Variants in PAPOLG observed in about 807,000 individuals in gnomAD.
The protein encoded by PAPOLG is poly(A) polymerase gamma.
PAPOLG carries 40 observed loss-of-function variants against 99.0 expected under a neutral mutation model. That is an observed-to-expected ratio of 0.40 (90% CI 0.31 to 0.53). The LOEUF is 0.53. PAPOLG is among the 20% of genes least tolerant of loss of function. The pLI is 0.41. For synonymous variants in PAPOLG, 310 were observed against 299.3 expected (o/e 1.04, Z -0.37); for missense variants, 675 against 884.1 (o/e 0.76, Z 3.00).
At chr2:60,772,973 T>A (rs1281110538) in intron 7 of PAPOLG, among the ~76,000 whole-genome samples, 2 of 152,192 alleles carry the variant, frequency 1.3e-5, no homozygotes. Flanking sequence ...TTACCCAGGC[T>A]GGAGTGCGAT....
At chr2:60,763,834 C>G (rs547336585) in intron 3 of PAPOLG, among the ~76,000 whole-genome samples, 1 of 150,472 alleles carries the variant, frequency 6.6e-6, no homozygotes, top group Non-Finnish European at 1.5e-5. Flanking sequence ...GACATGGTCT[C>G]TCTCTGTTGC....
chr2:60,790,387 T>C (rs765196977), intron 15 of PAPOLG, among the ~76,000 whole-genome samples: 16 of 152,212 alleles, frequency 1.1e-4, no homozygotes, highest in Non-Finnish European at 1.9e-4. Context: ...CTCACAGTAC[T>C]TGCTGTGTAA....
chr2:60,791,302 C>T (rs867512331), intron 15 of PAPOLG, among the ~76,000 whole-genome samples: 1 of 151,504 alleles, frequency 6.6e-6, no homozygotes, highest in African/African-American at 2.4e-5. Context: ...TATAATCCCA[C>T]CACTTTGGGA....
chr2:60,770,547 A>T, intron 6 of PAPOLG, 36 bp downstream of exon 6: 1 of 1,331,616 alleles, frequency 7.5e-7, no homozygotes, highest in Non-Finnish European at 1.0e-6. Context: ...TTACAATTGA[A>T]CTGTTTAAAC....
rs1214600318 is a variant in PAPOLG at position 60,801,262 on chromosome 2, A to T, written c.*4102A>T. On this transcript the variant is annotated 3_prime_UTR_variant, in exon 22 of 22. Coordinates refer to ENST00000238714, the MANE Select transcript of PAPOLG (RefSeq NM_022894.4). ...TAAAAGTGATAGTTTAGGGAAAAAA[A>T]AAAACTTTGTATAAATAAAATTGTA... 2.6e-5 allele frequency: 4 copies of T among 152,280 alleles called. No homozygotes were observed. The highest frequency in any genetic ancestry group is 5.9e-5 in the Non-Finnish European group (4 of 68,038). 9.4% of individuals were successfully genotyped at this position (152,280 alleles called of 1,614,324 possible).
chr2:60,795,171 G>T, intron 21 of PAPOLG, 151 bp downstream of exon 21: 1 of 682,790 alleles, frequency 1.5e-6, no homozygotes, highest in Non-Finnish European at 2.6e-6. Flanking sequence ...TGGGGTTGGA[G>T]ATAGCAAGTA....
intron 3 of PAPOLG, among the ~76,000 whole-genome samples, chr2:60,767,207 G>A (rs1296241044): frequency 1.3e-5 from 2 of 152,184 alleles, no homozygotes; most frequent in African/African-American, 4.8e-5. Context: ...AGCAATATCT[G>A]ACTGTTATCA....
chr2:60,798,053 G>A lies in PAPOLG; in HGVS notation c.*893G>A, dbSNP rs543990704. Reference sequence around the variant, plus strand: ...CAACAATAAGATAACCTTTAAGTATGGCACACTTGTATTTTTGAGGTGTAA... The same window carrying A: ...CAACAATAAGATAACCTTTAAGTATAGCACACTTGTATTTTTGAGGTGTAA... On this transcript the variant is annotated 3_prime_UTR_variant, in exon 22 of 22. Transcript: ENST00000238714. 4 of 152,842 alleles carry A rather than the reference G, an allele frequency of 2.6e-5. No individual in the cohort carries two copies. The East Asian group carries it at 5.6e-4, about 22-fold the overall frequency. 9.5% of individuals were successfully genotyped at this position (152,842 alleles called of 1,614,324 possible).
intron 13 of PAPOLG, among the ~76,000 whole-genome samples, chr2:60,783,804 C>G (rs892491905): frequency 6.6e-6 from 1 of 151,752 alleles, no homozygotes; most frequent in Non-Finnish European, 1.5e-5. Flanking sequence ...GACCATGGAG[C>G]TTCAGTGTTT....
chr2:60,775,059 G>A lies in PAPOLG; in HGVS notation c.630G>A (p.Leu210=). 6.2e-7 allele frequency: 1 copy of A among 1,613,234 alleles called. No individual in the cohort carries two copies. Among genetic ancestry groups the A allele is most frequent in the Non-Finnish European group, 8.5e-7 (1 of 1,179,746 alleles). Residue 210 remains leucine (L), a synonymous_variant, in exon 8 of 22, where the codon TTG becomes TTA. Coordinates refer to ENST00000238714, the MANE Select transcript of PAPOLG (RefSeq NM_022894.4). ...LNGCRVTDEI[L]HLVPNKETFR... The stretch of plus-strand genomic sequence containing the variant: ...GTTGTAGAGTTACTGATGAAATTTT[G>A]CATTTAGTGCCAAATAAAGAAACTT...
At chr2:60,794,272 T>G (rs1671633151) in intron 19 of PAPOLG, 81 bp downstream of exon 19, 4 of 1,370,100 alleles carry the variant, frequency 2.9e-6, no homozygotes, top group African/African-American at 2.9e-5. Flanking sequence ...CCATAGCTGT[T>G]GGTGTTCTGT....
rs761288393 is a variant in PAPOLG, at chr2:60,792,157, C to T, written c.1547C>T (p.Ser516Leu). ...KQSLSDVNRS[S>L]GGLQSKRLSL... is the part of the protein sequence containing the mutation. ...AGTCTCTCTGATGTCAATCGAAGCT[C>T]GGGCGGACTTCAATCCAAAAGATTG... The change falls in exon 17 of 22, where the codon TCG becomes TTG. Residue 516 changes from serine to leucine, a missense_variant. Ser to Leu is a moderately radical substitution (Grantham distance 145). Transcript: ENST00000238714. 1.0e-5 allele frequency: 16 copies of T among 1,591,296 alleles called. No individual in the cohort carries two copies. The highest frequency in any genetic ancestry group is 2.3e-5 in the South Asian group (2 of 86,132).
At chr2:60,795,409 A>G (rs1258089663) in intron 21 of PAPOLG, 3 of 392,690 alleles carry the variant, frequency 7.6e-6, no homozygotes, top group Non-Finnish European at 1.5e-5. Flanking sequence ...ATGTATTAAT[A>G]TTTTAGAGGA....
At chr2:60,793,541 G>T in intron 17 of PAPOLG, 86 bp from the exon 18 acceptor site, 2 of 1,482,340 alleles carry the variant, frequency 1.3e-6, no homozygotes, top group Non-Finnish European at 1.8e-6. Flanking sequence ...TCCAACTTGG[G>T]CAGTAGAATG....
rs1011709084 is a variant in PAPOLG at position 60,798,288 on chromosome 2, A to G, written c.*1128A>G. ...GTCTTTTTTTACGCTGCTTTTTTCA[A>G]TGCATTTCTTAATATTTTTTAAGTT... On this transcript the variant is annotated 3_prime_UTR_variant, in exon 22 of 22. Transcript: ENST00000238714. 5.9e-5 allele frequency: 9 copies of G among 152,738 alleles called. No individual in the cohort carries two copies. The South Asian group carries it at 6.2e-4, about 11-fold the overall frequency. The allele number at this position is 152,738 out of a possible 1,614,324, so 9.5% of individuals were successfully genotyped here. A position where few individuals can be genotyped will look rare whatever the true frequency, so the allele number is the denominator to read the frequency against.
chr2:60,766,876 G>T (rs1670692589), intron 3 of PAPOLG, among the ~76,000 whole-genome samples: 1 of 152,122 alleles, frequency 6.6e-6, no homozygotes, highest in South Asian at 2.1e-4. Context: ...ATGTCGTGGA[G>T]ATTTTCAACA....
chr2:60,790,800 C>T (rs1306177654), intron 15 of PAPOLG, among the ~76,000 whole-genome samples: 1 of 152,084 alleles, frequency 6.6e-6, no homozygotes, highest in African/African-American at 2.4e-5. Context: ...TAAGAATTAG[C>T]TTAGAAGGCC....
chr2:60,767,448 G>T (rs1670715062), intron 3 of PAPOLG, among the ~76,000 whole-genome samples: 1 of 151,616 alleles, frequency 6.6e-6, no homozygotes, highest in Admixed American at 6.6e-5. Flanking sequence ...GAGACTACAG[G>T]CACACGCCAC....
intron 11 of PAPOLG, 97 bp downstream of exon 11, chr2:60,782,102 T>G: frequency 2.5e-6 from 3 of 1,217,146 alleles, no homozygotes; most frequent in Non-Finnish European, 3.5e-6. Flanking sequence ...GTTAGAGTTA[T>G]ACCTATTCTT....
Sources: gnomAD v4.1 joint callset for allele counts (sites outside exome capture counted in the v4.1 genomes callset) on GRCh38, gnomAD v4.1.1 for gene constraint, MANE v1.5 for transcripts, NCBI Gene and HGNC (gene_info 2026-07-23, HGNC 2026-07-21) for gene names.